The following MGAM variants were observed in gnomAD, a reference collection of about 807,000 sequenced individuals.
The protein encoded by MGAM is maltase-glucoamylase.
In MGAM, 253 loss-of-function variants were observed where a neutral mutation model predicts 358.8. The observed-to-expected ratio is 0.71, with a 90% confidence interval of 0.64 to 0.78. MGAM has a LOEUF of 0.78. Among genes scored for constraint, MGAM ranks in the 30% least tolerant of loss-of-function variants. MGAM has a pLI of 0.00. For synonymous variants in MGAM, 1,105 were observed against 1,227.1 expected, an observed-to-expected ratio of 0.90 and a Z score of 2.08; for missense variants, 3,080 against 3,432.6, an observed-to-expected ratio of 0.90 and a Z score of 2.57.
chr7:142,105,309 A>G (rs1174753502), intron 70 of MGAM, among the ~76,000 whole-genome samples: 1 of 137,802 alleles, frequency 7.3e-6, no homozygotes. Context: ...TTTTTTTTTG[A>G]CTGAGTCTCA....
At chr7:142,101,944 T>C (rs76149194) in intron 68 of MGAM, among the ~76,000 whole-genome samples, 55 of 147,684 alleles carry the variant, frequency 3.7e-4, no homozygotes, top group African/African-American at 1.4e-3. Context: ...AAAAGAAAAG[T>C]GAAAGAAAAA....
At chr7:142,047,628 TA>T (rs1434938754) in intron 21 of MGAM, among the ~76,000 whole-genome samples, 156 bp from the exon 22 acceptor site, 13 of 152,264 alleles carry the variant, frequency 8.5e-5, no homozygotes, top group Admixed American at 7.9e-4. Flanking sequence ...ATATTAAAGA[TA>T]GGGGCGCCTG....
At chr7:141,998,242 C>A (rs1400581733) in intron 1 of MGAM, among the ~76,000 whole-genome samples, 1 of 151,996 alleles carries the variant, frequency 6.6e-6, no homozygotes, top group African/African-American at 2.4e-5. Flanking sequence ...AGTAATAATT[C>A]TTTTTTTAAA....
chr7:142,087,463 G>T (rs889235997), intron 57 of MGAM, among the ~76,000 whole-genome samples: 1 of 146,276 alleles, frequency 6.8e-6, no homozygotes, highest in African/African-American at 2.4e-5. Context: ...CTGAACTGAG[G>T]CAGCCTGTGT....
At chr7:142,029,388 T>C (rs1388546470) in intron 10 of MGAM, among the ~76,000 whole-genome samples, 1 of 152,014 alleles carries the variant, frequency 6.6e-6, no homozygotes, top group African/African-American at 2.4e-5. Context: ...CCATTTAAGA[T>C]TAGAAATCCC....
chr7:142,061,020 C>A (rs994359989), intron 34 of MGAM, among the ~76,000 whole-genome samples: 3 of 151,990 alleles, frequency 2.0e-5, no homozygotes, highest in Non-Finnish European at 4.4e-5. Context: ...ATTTTTTTCC[C>A]GATTGACTAA....
rs776836620 is a variant in MGAM, at chr7:142,065,545, A to G, written c.4619-43A>G. 4 of 1,613,846 alleles carry G rather than the reference A, an allele frequency of 2.5e-6. No individual in the cohort carries two copies. The African/African-American group carries it at 4.0e-5, about 16-fold the overall frequency. ...CCTTAGGGAAGAGGTGAGGAGGCAG[A>G]TCATGAGAGCCTGGTGTGACACAGC... On this transcript the variant is annotated intron_variant, in intron 38 of 70. Transcript: ENST00000475668.
chr7:142,068,617 C>T, intron 42 of MGAM, 30 bp from the exon 43 acceptor site: 1 of 1,483,050 alleles, frequency 6.7e-7, no homozygotes, highest in Non-Finnish European at 9.4e-7. Flanking sequence ...AATGGTGGCA[C>T]TGCCTCACCT....
At position 142,068,543 on chromosome 7, in the gene MGAM, G is replaced by A. The variant is rs114915424; in HGVS notation, c.5005-104G>A. On this transcript the variant is annotated intron_variant, in intron 42 of 70. Transcript: ENST00000475668. The stretch of plus-strand genomic sequence containing the variant: ...TAACCTCTTGGGACATGAGGCAGCT[G>A]GGTCCAAAGCCATCACAATTATTTC... 3.8e-4 allele frequency: 346 copies of A among 921,864 alleles called. 9 individuals carry two copies. The African/African-American group carries it at 4.9e-3, about 13-fold the overall frequency. 57.1% of individuals were successfully genotyped at this position (921,864 alleles called of 1,614,324 possible). A position where few individuals can be genotyped will look rare whatever the true frequency, so the allele number is the denominator to read the frequency against.
chr7:142,070,768 T>G (rs1450893228), intron 43 of MGAM, among the ~76,000 whole-genome samples: 2 of 146,026 alleles, frequency 1.4e-5, no homozygotes, highest in Non-Finnish European at 3.1e-5. Flanking sequence ...GCAAATGTAG[T>G]TTGTATGGTG....
At chr7:142,043,620 T>A (rs1310729625) in intron 21 of MGAM, among the ~76,000 whole-genome samples, 1 of 128,408 alleles carries the variant, frequency 7.8e-6, no homozygotes, top group African/African-American at 3.1e-5. Context: ...TAATATATAA[T>A]ACATATATTA....
At chr7:142,036,460 A>T (rs1554465869) in intron 17 of MGAM, among the ~76,000 whole-genome samples, 175 bp downstream of exon 17, 2 of 152,190 alleles carry the variant, frequency 1.3e-5, no homozygotes, top group African/African-American at 2.4e-5. Flanking sequence ...GAAATGCCCA[A>T]CGGCCTCAGC....
intron 3 of MGAM, among the ~76,000 whole-genome samples, chr7:142,010,342 C>G (rs1373926193): frequency 1.3e-5 from 2 of 152,092 alleles, no homozygotes; most frequent in Non-Finnish European, 2.9e-5. Context: ...CAGCTGAACT[C>G]GTTACCTCCT....
chr7:142,053,585 G>A (rs1811223999), intron 26 of MGAM, among the ~76,000 whole-genome samples: 1 of 152,124 alleles, frequency 6.6e-6, no homozygotes, highest in Admixed American at 6.5e-5. Flanking sequence ...TTGCATTTAA[G>A]GACTAGGGAT....
chr7:142,011,635 A>C (rs1805604447), intron 3 of MGAM, among the ~76,000 whole-genome samples: 1 of 152,186 alleles, frequency 6.6e-6, no homozygotes, highest in Admixed American at 6.5e-5. Context: ...ATAAACTGTG[A>C]AATCCTTCTA....
At position 142,094,502 on chromosome 7, in the gene MGAM, G is replaced by C. The variant is rs773861934; in HGVS notation, c.7306+5G>C. The C allele has an allele frequency of 1.3e-6, 2 of 1,548,374 alleles. 1 individual carries two copies. Among genetic ancestry groups the C allele is most frequent in the African/African-American group, 2.7e-5 (2 of 74,546 alleles). On this transcript the variant is annotated splice_donor_5th_base_variant and intron_variant, in intron 61 of 70. Coordinates refer to ENST00000475668, the MANE Select transcript of MGAM (RefSeq NM_001365693.1). ...AGCTGAAGAAGTCTATCATTGGTGC[G>C]TGGGTCCTTCCCAGGGCCTGTGCCG...
Position 142,086,771 on chromosome 7 carries a change from C to T in MGAM, c.6810+54C>T, listed in dbSNP as rs1182445394. On this transcript the variant is annotated intron_variant, in intron 57 of 70. Coordinates refer to ENST00000475668, the MANE Select transcript of MGAM (RefSeq NM_001365693.1). ...GTCAGGGTTTCTAGGAAGGGGCAGC[C>T]GTTCCTGGGAATGTGGACATGCCTG... The T allele has an allele frequency of 2.5e-5, 22 of 890,154 alleles. 8 individuals are homozygous for T. The Admixed American group carries it at 3.7e-4, about 15-fold the overall frequency. The allele number at this position is 890,154 out of a possible 1,614,324, so 55.1% of individuals were successfully genotyped here. A position where few individuals can be genotyped will look rare whatever the true frequency, so the allele number is the denominator to read the frequency against.
chr7:142,006,838 A>G (rs1392696593), intron 2 of MGAM, among the ~76,000 whole-genome samples: 2 of 152,010 alleles, frequency 1.3e-5, no homozygotes, highest in Admixed American at 1.3e-4. Context: ...TTCTGGTGTT[A>G]TTTGTCAGTC....
chr7:142,063,266 T>C (rs1402607339), intron 35 of MGAM, among the ~76,000 whole-genome samples: 1 of 152,094 alleles, frequency 6.6e-6, no homozygotes. Context: ...GAAATTTGAT[T>C]GCCTCACAGC....
Sources: allele counts gnomAD v4.1 joint callset (sites outside exome capture counted in the v4.1 genomes callset), GRCh38; gene constraint gnomAD v4.1.1; transcripts MANE v1.5; gene names NCBI Gene and HGNC (gene_info 2026-07-23, HGNC 2026-07-21).